The following ACLY variants were observed in gnomAD, a reference collection of about 807,000 sequenced individuals.
ACLY encodes ATP citrate lyase.
A neutral mutation model predicts 133.0 loss-of-function variants in ACLY; 41 were observed. The ratio of observed to expected loss-of-function variants is 0.31; its 90% CI spans 0.24 to 0.40. The LOEUF (loss-of-function observed/expected upper bound fraction) is 0.40. Among genes scored for constraint, ACLY ranks in the 10% least tolerant of loss-of-function variants. ACLY has a pLI of 1.00. For synonymous variants in ACLY, 495 were observed against 549.3 expected, an observed-to-expected ratio of 0.90 and a Z score of 1.38; for missense variants, 1,046 against 1,453.8, an observed-to-expected ratio of 0.72 and a Z score of 4.56.
intron 27 of ACLY, 99 bp downstream of exon 27, chr17:41,868,944 T>G: frequency 7.3e-7 from 1 of 1,366,524 alleles, no homozygotes; most frequent in Non-Finnish European, 1.0e-6. Context: ...CTCCTTATTT[T>G]TCAAATATTC....
At chr17:41,890,920 C>T (rs1343182394) in intron 16 of ACLY, among the ~76,000 whole-genome samples, 3 of 148,090 alleles carry the variant, frequency 2.0e-5, no homozygotes, top group African/African-American at 7.4e-5. Context: ...GCACGAGAAT[C>T]ACTTGAGCCT....
chr17:41,924,008 G>A (rs530932094), upstream of ACLY, among the ~76,000 whole-genome samples: 1 of 151,988 alleles, frequency 6.6e-6, no homozygotes, highest in South Asian at 2.1e-4. Context: ...ATGAGGTTTC[G>A]CCATGTTGGC....
At position 41,884,232 on chromosome 17, in the gene ACLY, C is replaced by A; in HGVS notation, c.2115G>T (p.Gln705His). The A allele has an allele frequency of 1.9e-6, 3 of 1,612,740 alleles. No homozygotes were observed. The highest frequency in any genetic ancestry group is 2.5e-6 in the Non-Finnish European group (3 of 1,178,902). The change falls in exon 19 of 29, where the codon CAG (glutamine) becomes CAT (histidine). Residue 705 changes from glutamine to histidine, a missense_variant. Transcript: ENST00000352035. ...CAATCATTTTGACTCCTGGAGTGTC[C>A]TGATAGCGTAACACATGATCCATGA... is the stretch of plus-strand genomic sequence containing the variant. ...STFMDHVLRY[Q>H]DTPGVKMIVV...
At chr17:41,925,862 T>A (rs1052325756) in intron 1 of ACLY, among the ~76,000 whole-genome samples, 8 of 151,886 alleles carry the variant, frequency 5.3e-5, no homozygotes, top group Non-Finnish European at 7.4e-5. Flanking sequence ...TTTTTTTTTT[T>A]GAGAGAGAGT....
intron 23 of ACLY, among the ~76,000 whole-genome samples, chr17:41,873,540 C>T (rs2048654175): frequency 6.6e-6 from 1 of 152,236 alleles, no homozygotes; most frequent in African/African-American, 2.4e-5. Flanking sequence ...TAGGCCACCA[C>T]ATCTTTCCAG....
rs2049933376 is a variant in ACLY, at chr17:41,912,487, A to G, written c.215T>C (p.Val72Ala). 3 of 1,614,076 alleles carry G rather than the reference A, an allele frequency of 1.9e-6. No homozygotes were observed. The highest frequency in any genetic ancestry group is 1.3e-5 in the African/African-American group (1 of 74,932). ...CCCATCCAGAGTGAGGTTGACCCCA[A>G]CGAGACCAAGTTTTCCACGACGTTT... The part of the protein sequence containing the change: ...LIKRRGKLGL[V>A]GVNLTLDGVK... The change falls in exon 3 of 29, where the codon GTT (valine) becomes GCT (alanine). Residue 72 changes from valine (V) to alanine (A), a missense_variant. Physicochemically the swap from Val to Ala is moderately conservative, Grantham distance 64. Coordinates refer to ENST00000352035, the MANE Select transcript of ACLY (RefSeq NM_001096.3).
chr17:41,883,217 C>T lies in ACLY; in HGVS notation c.2170G>A (p.Glu724Lys). ...VVLGEIGGTE[E>K]YKICRGIKEG... ...TTGATGCCCCGGCAAATCTTATATT[C>T]CTCAGTGCCCCCAATCTGCCAAGGA... The change falls in exon 20 of 29, where the codon GAA (glutamate) becomes AAA (lysine). Residue 724 changes from glutamate to lysine, a missense_variant. Physicochemically the swap from Glu to Lys is moderately conservative, Grantham distance 56. This residue lies in a region of ACLY where 575 missense variants were observed against 804.2 expected (regional missense o/e 0.71). Transcript: ENST00000352035. 1 of 1,613,826 alleles carries T rather than the reference C, an allele frequency of 6.2e-7. No homozygotes were observed. Among genetic ancestry groups the T allele is most frequent in the Non-Finnish European group, 8.5e-7 (1 of 1,179,994 alleles).
At chr17:41,914,636 C>A (rs149361523) in intron 1 of ACLY, among the ~76,000 whole-genome samples, 61 of 152,288 alleles carry the variant, frequency 4.0e-4, no homozygotes, top group African/African-American at 1.4e-3. Context: ...ACATTCCACC[C>A]GCCCCACTGC....
chr17:41,878,173 G>A lies in ACLY; in HGVS notation c.2417C>T (p.Ala806Val). ...IIQSVYEDLV[A>V]NGVIVPAQEV... The stretch of plus-strand genomic sequence containing the variant: ...CTGGGCAGGTACAATGACTCCATTG[G>A]CCACGAGATCTTCGTATACAGACCT... The change falls in exon 22 of 29, where the codon GCC becomes GTC. Residue 806 changes from alanine (A) to valine (V), a missense_variant. Physicochemically the swap from Ala to Val is moderately conservative, Grantham distance 64. Coordinates refer to ENST00000352035, the MANE Select transcript of ACLY (RefSeq NM_001096.3). 3.8e-6 allele frequency: 6 copies of A among 1,594,840 alleles called. No homozygotes were observed. The highest frequency in any genetic ancestry group is 1.4e-5 in the African/African-American group (1 of 73,540).
intron 19 of ACLY, 151 bp from the exon 20 acceptor site, chr17:41,883,383 C>G (rs2048969760): frequency 1.6e-6 from 1 of 625,242 alleles, no homozygotes; most frequent in Non-Finnish European, 2.8e-6. Flanking sequence ...AAGGAACAAA[C>G]AGCAGGTCTC....
At chr17:41,916,311 G>A (rs781903685) in intron 1 of ACLY, among the ~76,000 whole-genome samples, 2 of 151,926 alleles carry the variant, frequency 1.3e-5, no homozygotes, top group Non-Finnish European at 2.9e-5. Context: ...CCCAGGGAGT[G>A]GACTCAGTAG....
At chr17:41,893,296 C>T in intron 14 of ACLY, 122 bp from the exon 15 acceptor site, 1 of 1,135,092 alleles carries the variant, frequency 8.8e-7, no homozygotes, top group Non-Finnish European at 1.2e-6. Flanking sequence ...CTCATCACAA[C>T]CGTAAAGGAA....
chr17:41,894,062 C>A (rs8075053), intron 14 of ACLY, among the ~76,000 whole-genome samples: 151,972 of 151,988 alleles, frequency 1, 75,978 homozygotes, highest in Middle Eastern at 1. Flanking sequence ...AAAAATACAA[C>A]AATTAGCTGG....
intron 10 of ACLY, among the ~76,000 whole-genome samples, chr17:41,903,461 T>G (rs1159902213): frequency 6.6e-6 from 1 of 152,038 alleles, no homozygotes; most frequent in Admixed American, 6.6e-5. Context: ...CAGAAAGATA[T>G]AAGACCAGGA....
upstream of ACLY, chr17:41,919,015 C>G (rs528987483): frequency 2.3e-6 from 3 of 1,284,960 alleles, no homozygotes; most frequent in East Asian, 1.7e-4. Flanking sequence ...CCGCCCCCAT[C>G]GGCTCGCGGC....
At chr17:41,873,175 C>CTTT (rs529319940) in intron 23 of ACLY, among the ~76,000 whole-genome samples, 11 of 134,360 alleles carry the variant, frequency 8.2e-5, no homozygotes, top group African/African-American at 2.5e-4. Flanking sequence ...ACACAAGGTA[C>CTTT]TTTTTTTTTT....
chr17:41,887,726 T>A (rs1555628531), intron 16 of ACLY, 23 bp from the exon 17 acceptor site: 2 of 1,601,072 alleles, frequency 1.2e-6, no homozygotes, highest in South Asian at 2.2e-5. Context: ...AAAAGTCCCT[T>A]CCTGTTAACT....
rs781968599 is a variant in ACLY at position 41,878,817 on chromosome 17, A to T, written c.2373T>A (p.Asp791Glu). The T allele has an allele frequency of 1.9e-6, 3 of 1,614,012 alleles. No homozygotes were observed. In the South Asian group the frequency reaches 3.3e-5, roughly 18 times the overall value. ...EAGVFVPRSF[D>E]ELGEIIQSVY... is the part of the protein sequence containing the mutation. Reference sequence around the variant, plus strand: ...CTTACTGGATGATCTCTCCAAGCTCATCAAAGCTCCGGGGCACAAACACTC... The same window carrying T: ...CTTACTGGATGATCTCTCCAAGCTCTTCAAAGCTCCGGGGCACAAACACTC... Residue 791 changes from aspartate to glutamate, a missense_variant, in exon 21 of 29, where the codon GAT becomes GAA. Asp to Glu is a conservative substitution (Grantham distance 45). Transcript: ENST00000352035.
At position 41,901,779 on chromosome 17, in the gene ACLY, G is replaced by T; in HGVS notation, c.1100C>A (p.Pro367His). The part of the protein sequence containing the change: ...IVRAIRDYQG[P>H]LKEHEVTIFV... ...GATTGTGACTTCGTGCTCCTTCAGG[G>T]GGCCCTGGTAATCTCGAATTGCTCT... Residue 367 changes from proline (P) to histidine (H), a missense_variant, in exon 11 of 29, where the codon CCC becomes CAC. By Grantham distance (77) the Pro-to-His change is moderately conservative. Transcript: ENST00000352035. 2 of 1,598,310 alleles carry T rather than the reference G, an allele frequency of 1.3e-6. No individual in the cohort carries two copies. The highest frequency in any genetic ancestry group is 2.2e-5 in the South Asian group (2 of 89,498).
Sources: gnomAD v4.1 joint callset for allele counts (sites outside exome capture counted in the v4.1 genomes callset) on GRCh38, gnomAD v4.1.1 for gene constraint, gnomAD v4.1.1 regional missense constraint, MANE v1.5 for transcripts, NCBI Gene and HGNC (gene_info 2026-07-23, HGNC 2026-07-21) for gene names.